SLC67A1: variants seen among roughly 807,000 people sequenced by gnomAD.
SLC67A1 encodes the protein solute carrier family 67 member 1, also known as solute carrier family 67 member A1.
the SLC67A1 span, among the ~76,000 whole-genome samples, chr11:2,922,738 G>A: frequency 6.6e-6 from 1 of 152,030 alleles, no homozygotes; most frequent in African/African-American, 2.4e-5. Context: ...AGTAAGGTGG[G>A]GAGCCTGGGT....
the SLC67A1 span, chr11:2,916,318 AT>A: frequency 8.3e-6 from 3 of 360,668 alleles, no homozygotes; most frequent in African/African-American, 6.3e-5. Context: ...TCCTGGGAGG[AT>A]CCGCCACCTG....
chr11:2,909,662 G>A, the SLC67A1 span: 2 of 1,540,802 alleles, frequency 1.3e-6, no homozygotes, highest in Non-Finnish European at 1.7e-6. Flanking sequence ...TTCGGCGTCG[G>A]AGTCATCCTC....
At chr11:2,903,351 G>C in the SLC67A1 span, 1 of 1,612,780 alleles carries the variant, frequency 6.2e-7, no homozygotes. Context: ...CCAGGATGCA[G>C]GGAGCTCGGG....
the SLC67A1 span, chr11:2,908,225 T>C: frequency 3.7e-6 from 6 of 1,609,518 alleles, no homozygotes; most frequent in Non-Finnish European, 5.1e-6. Flanking sequence ...CTCCCTCCTG[T>C]GTTTCAGTAC....
At chr11:2,917,845 A>G in the SLC67A1 span, 4 of 619,520 alleles carry the variant, frequency 6.5e-6, no homozygotes, top group Non-Finnish European at 1.1e-5. Context: ...CCATTCCCAC[A>G]AGTGAGCGGT....
the SLC67A1 span, chr11:2,919,177 G>A: frequency 1.5e-6 from 1 of 663,696 alleles, no homozygotes; most frequent in Non-Finnish European, 2.7e-6. Flanking sequence ...GGCATCACAG[G>A]CCCCTCCCTG....
At chr11:2,911,714 G>A in the SLC67A1 span, among the ~76,000 whole-genome samples, 1,652 of 152,152 alleles carry the variant, frequency 0.011, 17 homozygotes, top group South Asian at 0.024. Context: ...GGGAGGGTCC[G>A]AGCTCGCTCA....
the SLC67A1 span, chr11:2,902,525 C>T: frequency 5.4e-5 from 52 of 962,994 alleles, no homozygotes; most frequent in Admixed American, 2.6e-3. Flanking sequence ...GGGCGCCAGG[C>T]GCAGCTCCCG....
the SLC67A1 span, chr11:2,924,922 A>C: frequency 3.2e-6 from 4 of 1,262,634 alleles, no homozygotes; most frequent in Non-Finnish European, 4.4e-6. This position sits in a 1 kb window ranked among gnomAD's most constrained non-coding sequence, Gnocchi z 8.6. Flanking sequence ...GTGGGTCAGG[A>C]GAGATGGGAG....
At chr11:2,919,315 A>G in the SLC67A1 span, 3 of 1,613,558 alleles carry the variant, frequency 1.9e-6, no homozygotes, top group Non-Finnish European at 2.5e-6. Context: ...AGGGCTCTTC[A>G]TGGTCATGTT....
chr11:2,906,329 G>C, the SLC67A1 span, among the ~76,000 whole-genome samples: 1 of 152,140 alleles, frequency 6.6e-6, no homozygotes, highest in Non-Finnish European at 1.5e-5. Flanking sequence ...CAAGGATCTA[G>C]AACTAGAAAT....
chr11:2,908,899 C>T, the SLC67A1 span, among the ~76,000 whole-genome samples: 1 of 152,320 alleles, frequency 6.6e-6, no homozygotes, highest in Non-Finnish European at 1.5e-5. Context: ...CTGTAAAACG[C>T]GGGCCCACCC....
chr11:2,907,397 A>G, the SLC67A1 span, among the ~76,000 whole-genome samples: 6 of 152,166 alleles, frequency 3.9e-5, no homozygotes, highest in African/African-American at 1.4e-4. The surrounding 1 kb of genome is among the most constrained non-coding windows in gnomAD (Gnocchi z 6.7). Flanking sequence ...CTGGGAGCCC[A>G]GACATCCCTT....
At chr11:2,909,397 G>A in the SLC67A1 span, 1 of 1,495,702 alleles carries the variant, frequency 6.7e-7, no homozygotes, top group South Asian at 1.2e-5. Flanking sequence ...GGCCGGGTCG[G>A]GGGCAGCCTG....
At chr11:2,907,350 ACCCACGGGGGAGGATCCTT>A in the SLC67A1 span, among the ~76,000 whole-genome samples, 2 of 152,028 alleles carry the variant, frequency 1.3e-5, no homozygotes, top group Non-Finnish European at 2.9e-5. The surrounding 1 kb of genome is among the most constrained non-coding windows in gnomAD (Gnocchi z 6.7). Context: ...TCCCTCTGAA[ACCCACGGGGGAGGATCCTT>A]CCCACCTCTT....
At chr11:2,901,105 G>A in the SLC67A1 span, among the ~76,000 whole-genome samples, 2 of 152,182 alleles carry the variant, frequency 1.3e-5, no homozygotes, top group Non-Finnish European at 2.9e-5. Flanking sequence ...GGCCAGCTTC[G>A]GGGAAAATGG....
the SLC67A1 span, chr11:2,916,862 C>G: frequency 1.3e-6 from 1 of 789,718 alleles, no homozygotes; most frequent in East Asian, 2.5e-5. Flanking sequence ...TACTCACACC[C>G]TCCTGCCTTC....
At chr11:2,922,267 G>T in the SLC67A1 span, 40 of 1,537,340 alleles carry the variant, frequency 2.6e-5, no homozygotes, top group Non-Finnish European at 3.1e-5. Context: ...CACCTGGGCG[G>T]TACCATCTGT....
At chr11:2,912,862 C>A in the SLC67A1 span, among the ~76,000 whole-genome samples, 1 of 152,192 alleles carries the variant, frequency 6.6e-6, no homozygotes, top group Non-Finnish European at 1.5e-5. Flanking sequence ...CAGGGTTTGC[C>A]TTCCCCAGGT....
Sources: gnomAD v4.1 joint callset for allele counts (sites outside exome capture counted in the v4.1 genomes callset) on GRCh38, gnomAD v4.1.1 for gene constraint, Gnocchi (gnomAD v3.1) non-coding constraint, MANE v1.5 for transcripts, NCBI Gene and HGNC (gene_info 2026-07-23, HGNC 2026-07-21) for gene names.